The following RCSD1 variants were observed in gnomAD, a reference collection of about 807,000 sequenced individuals.
The protein encoded by RCSD1 is capZ-interacting protein.
In RCSD1, 26 loss-of-function variants were observed where a neutral mutation model predicts 42.5. That is an observed-to-expected ratio of 0.61 (90% CI 0.45 to 0.85). RCSD1 has a LOEUF of 0.85. Among genes scored for constraint, RCSD1 ranks in the 40% least tolerant of loss-of-function variants. RCSD1 has a pLI of 0.00. For synonymous variants in RCSD1, 220 were observed against 212.2 expected (o/e 1.04, Z -0.32); for missense variants, 571 against 528.3 (o/e 1.08, Z -0.79).
chr1:167,685,480 C>T lies in RCSD1; in HGVS notation c.168C>T (p.Pro56=), dbSNP rs763550256. The part of the protein sequence containing the change: ...KPPCSLPLFP[P]KVDLGQNGEE... ...CCTGTTCCCTCCCCCTGTTCCCCCC[C>T]AAGGTAGACCTGGGCCAGAATGGTG... Residue 56 remains proline (P), a synonymous_variant, in exon 3 of 7, where the codon CCC becomes CCT. Coordinates refer to ENST00000367854, the MANE Select transcript of RCSD1 (RefSeq NM_052862.4). 6 of 1,613,852 alleles carry T rather than the reference C, an allele frequency of 3.7e-6. No individual in the cohort carries two copies. The highest frequency in any genetic ancestry group is 1.7e-5 in the Admixed American group (1 of 59,988).
chr1:167,651,115 T>C (rs1161038421), intron 1 of RCSD1, among the ~76,000 whole-genome samples: 2 of 152,174 alleles, frequency 1.3e-5, no homozygotes, highest in Non-Finnish European at 1.5e-5. Flanking sequence ...GCCATCGTAA[T>C]GACCTTGTTT....
intron 1 of RCSD1, among the ~76,000 whole-genome samples, chr1:167,632,647 A>T (rs1311451): frequency 6.6e-6 from 1 of 151,722 alleles, no homozygotes; most frequent in Non-Finnish European, 1.5e-5. Context: ...GGGAGGGAAT[A>T]GCTCAGCCAG....
intron 1 of RCSD1, among the ~76,000 whole-genome samples, chr1:167,645,703 T>C (rs1658119656): frequency 6.6e-6 from 1 of 152,164 alleles, no homozygotes; most frequent in Non-Finnish European, 1.5e-5. Flanking sequence ...CGGGGAACTG[T>C]GAGTGCCCTA....
intron 1 of RCSD1, among the ~76,000 whole-genome samples, chr1:167,637,067 G>A (rs1041029996): frequency 1.3e-5 from 2 of 152,182 alleles, no homozygotes; most frequent in Admixed American, 6.5e-5. Flanking sequence ...CACCCACAGA[G>A]GAGGAGCATC....
At chr1:167,633,827 G>A (rs1657761858) in intron 1 of RCSD1, 1 of 152,168 alleles carries the variant, frequency 6.6e-6, no homozygotes, top group Non-Finnish European at 1.5e-5. Flanking sequence ...ATCTTTTCCA[G>A]TACAGGTATA....
rs1466455484 is a variant in RCSD1, at chr1:167,708,619, A to G, written c.*3923A>G. Among the ~76,000 whole-genome samples the G allele has an allele frequency of 6.6e-6, 1 of 152,174 alleles. No homozygotes were observed. The highest frequency in any genetic ancestry group is 2.4e-5 in the African/African-American group (1 of 41,446). The stretch of plus-strand genomic sequence containing the variant: ...TAACCTGTAGCTCTAGGGGAGTACA[A>G]TGTGTTTGTATTATTCTTCATTGTA... On this transcript the variant is annotated 3_prime_UTR_variant, in exon 7 of 7. Coordinates refer to ENST00000367854, the MANE Select transcript of RCSD1 (RefSeq NM_052862.4).
At position 167,707,548 on chromosome 1, in the gene RCSD1, A is replaced by G. The variant is rs993611170; in HGVS notation, c.*2852A>G. On this transcript the variant is annotated 3_prime_UTR_variant, in exon 7 of 7. Coordinates refer to ENST00000367854, the MANE Select transcript of RCSD1 (RefSeq NM_052862.4). ...AGTGATGTCAGGAATCTCTCATGGT[A>G]TTGGTCTCTGCTTTCCCTCGTATTG... Among the ~76,000 whole-genome samples, 11 of 151,932 alleles carry G rather than the reference A, an allele frequency of 7.2e-5. No homozygotes were observed. Among genetic ancestry groups the G allele is most frequent in the Non-Finnish European group, 1.5e-4 (10 of 67,978 alleles).
intron 1 of RCSD1, among the ~76,000 whole-genome samples, chr1:167,679,444 C>A (rs1659027592): frequency 6.6e-6 from 1 of 152,174 alleles, no homozygotes; most frequent in Non-Finnish European, 1.5e-5. Flanking sequence ...CTAGGGATAA[C>A]TAAGGACATA....
chr1:167,682,666 AGAGT>A (rs1269009903), intron 1 of RCSD1, among the ~76,000 whole-genome samples: 1 of 112,634 alleles, frequency 8.9e-6, no homozygotes, highest in African/African-American at 3.6e-5. Flanking sequence ...GGGCCATGGA[AGAGT>A]GTGTGTGTGT....
chr1:167,671,586 G>T (rs1489663353), intron 1 of RCSD1, among the ~76,000 whole-genome samples: 1 of 152,168 alleles, frequency 6.6e-6, no homozygotes, highest in Non-Finnish European at 1.5e-5. Flanking sequence ...ACCTTCTGCA[G>T]GAGACAGCAT....
intron 2 of RCSD1, among the ~76,000 whole-genome samples, chr1:167,684,732 G>T (rs1294120337): frequency 6.6e-6 from 1 of 152,162 alleles, no homozygotes; most frequent in African/African-American, 2.4e-5. Context: ...AAATTGGCCG[G>T]GCGTGGTGGC....
chr1:167,694,450 C>T, intron 5 of RCSD1, 148 bp downstream of exon 5: 1 of 745,982 alleles, frequency 1.3e-6, no homozygotes, highest in Non-Finnish European at 2.2e-6. Flanking sequence ...TGAAATTTCT[C>T]CTCTCCTTTG....
intron 1 of RCSD1, among the ~76,000 whole-genome samples, chr1:167,654,939 T>C (rs761865379): frequency 6.6e-6 from 1 of 152,156 alleles, no homozygotes; most frequent in Non-Finnish European, 1.5e-5. Flanking sequence ...TCCCCAAATC[T>C]GCTCCTGAGT....
At chr1:167,682,925 G>A (rs571720316) in intron 1 of RCSD1, among the ~76,000 whole-genome samples, 15 of 152,252 alleles carry the variant, frequency 9.9e-5, no homozygotes, top group African/African-American at 2.9e-4. Context: ...TAATGTCTCC[G>A]GGACTGGACA....
chr1:167,670,738 C>G (rs577842494), intron 1 of RCSD1, among the ~76,000 whole-genome samples: 1 of 152,174 alleles, frequency 6.6e-6, no homozygotes, highest in African/African-American at 2.4e-5. Flanking sequence ...TCGGCTCCCC[C>G]TCTCTGTAAA....
intron 1 of RCSD1, among the ~76,000 whole-genome samples, chr1:167,675,276 G>A (rs868049821): frequency 3.3e-5 from 5 of 150,324 alleles, no homozygotes; most frequent in Admixed American, 6.6e-5. Flanking sequence ...GAGGTTTAAT[G>A]GACTCACAGT....
chr1:167,683,758 C>T (rs72697727), intron 1 of RCSD1, 142 bp from the exon 2 acceptor site: 2 of 801,262 alleles, frequency 2.5e-6, no homozygotes, highest in Non-Finnish European at 4.1e-6. Flanking sequence ...TTTTTAAGTC[C>T]TTGAATGCAG....
intron 1 of RCSD1, among the ~76,000 whole-genome samples, chr1:167,678,259 A>G (rs1334116988): frequency 6.6e-6 from 1 of 152,112 alleles, no homozygotes; most frequent in African/African-American, 2.4e-5. Flanking sequence ...TCTGGCCTGA[A>G]ACACTTCTCT....
chr1:167,672,890 T>C (rs1658845927), intron 1 of RCSD1, among the ~76,000 whole-genome samples: 1 of 152,240 alleles, frequency 6.6e-6, no homozygotes, highest in Non-Finnish European at 1.5e-5. Flanking sequence ...ATGCTCATCC[T>C]GTCCTTCTCT....
Sources: allele counts gnomAD v4.1 joint callset (sites outside exome capture counted in the v4.1 genomes callset), GRCh38; gene constraint gnomAD v4.1.1; transcripts MANE v1.5; gene names NCBI Gene and HGNC (gene_info 2026-07-23, HGNC 2026-07-21).